Variants in IMMP2L observed in about 807,000 individuals in gnomAD.
IMMP2L encodes the protein mitochondrial inner membrane protease subunit 2.
In IMMP2L, 18 loss-of-function variants were observed where a neutral mutation model predicts 19.3. The observed-to-expected ratio is 0.93, with a 90% CI of 0.64 to 1.38. The LOEUF is 1.38. IMMP2L is among the 40% of genes most tolerant of loss of function. The pLI, the probability that IMMP2L is intolerant of heterozygous loss-of-function variation, is 0.00. For missense variants in IMMP2L, 233 were observed against 218.2 expected (o/e 1.07, Z -0.43); for synonymous variants, 76 against 73.0 (o/e 1.04, Z -0.21).
chr7:110,672,736 A>C (rs1792008028), intron 5 of IMMP2L, among the ~76,000 whole-genome samples: 1 of 152,150 alleles, frequency 6.6e-6, no homozygotes, highest in Non-Finnish European at 1.5e-5. Flanking sequence ...ATTAAACCTT[A>C]CAGTTCCAAA....
intron 4 of IMMP2L, among the ~76,000 whole-genome samples, chr7:110,890,976 T>G (rs776534539): frequency 5.8e-4 from 88 of 151,926 alleles, no homozygotes; most frequent in Non-Finnish European, 1.1e-3. Flanking sequence ...CAAATACATA[T>G]ACACACACAC....
At chr7:111,144,694 A>G (rs1219263454) in intron 3 of IMMP2L, among the ~76,000 whole-genome samples, 19 of 152,124 alleles carry the variant, frequency 1.2e-4, no homozygotes, top group Non-Finnish European at 1.5e-5. Context: ...AAATAAGTGA[A>G]TGGATTACAA....
chr7:111,283,527 G>A (rs1820131475), intron 3 of IMMP2L, among the ~76,000 whole-genome samples: 1 of 152,098 alleles, frequency 6.6e-6, no homozygotes, highest in Admixed American at 6.6e-5. Flanking sequence ...AGTTAGGAGT[G>A]GCTAGCATGT....
chr7:110,817,971 G>A (rs368991252), intron 5 of IMMP2L, among the ~76,000 whole-genome samples: 2 of 151,866 alleles, frequency 1.3e-5, no homozygotes, highest in African/African-American at 4.8e-5. Context: ...TTCAAGATGG[G>A]TTAAAGACTT....
At chr7:111,451,269 T>A (rs941322723) in intron 3 of IMMP2L, among the ~76,000 whole-genome samples, 22 of 149,432 alleles carry the variant, frequency 1.5e-4, no homozygotes, top group Admixed American at 2.7e-4. Context: ...ACACGTATGT[T>A]TATTGCGGCA....
At chr7:110,958,176 A>G (rs905028278) in intron 4 of IMMP2L, among the ~76,000 whole-genome samples, 2 of 152,044 alleles carry the variant, frequency 1.3e-5, no homozygotes, top group African/African-American at 2.4e-5. Context: ...ACTTTAAATC[A>G]ATTTTCTCTA....
intron 3 of IMMP2L, among the ~76,000 whole-genome samples, chr7:111,335,502 T>G (rs1395641983): frequency 6.6e-6 from 1 of 152,016 alleles, no homozygotes; most frequent in Non-Finnish European, 1.5e-5. Flanking sequence ...AACGTGAAAT[T>G]TACAGGTGAA....
intron 5 of IMMP2L, among the ~76,000 whole-genome samples, chr7:110,863,598 T>C (rs1234635812): frequency 6.6e-6 from 1 of 152,114 alleles, no homozygotes. Flanking sequence ...GGTGGCACTC[T>C]CTCTCAATAG....
chr7:111,042,636 T>C (rs1157746995), intron 3 of IMMP2L, among the ~76,000 whole-genome samples: 1 of 152,220 alleles, frequency 6.6e-6, no homozygotes, highest in East Asian at 1.9e-4. Flanking sequence ...GAGCAGGCCA[T>C]GCTTGATCTA....
At chr7:110,856,802 G>T (rs1806829642) in intron 5 of IMMP2L, among the ~76,000 whole-genome samples, 1 of 152,026 alleles carries the variant, frequency 6.6e-6, no homozygotes, top group African/African-American at 2.4e-5. Context: ...CAACTCAGTA[G>T]TTTAGGCTTC....
intron 3 of IMMP2L, among the ~76,000 whole-genome samples, chr7:111,316,477 G>C (rs999266067): frequency 6.6e-6 from 1 of 152,036 alleles, no homozygotes; most frequent in Non-Finnish European, 1.5e-5. Flanking sequence ...AGGGAGAAAA[G>C]AAAAATTATT....
At chr7:111,157,061 A>T (rs1403952360) in intron 3 of IMMP2L, among the ~76,000 whole-genome samples, 1 of 152,126 alleles carries the variant, frequency 6.6e-6, no homozygotes, top group Non-Finnish European at 1.5e-5. Context: ...TTTCATATAA[A>T]ACATAAGGCA....
intron 3 of IMMP2L, among the ~76,000 whole-genome samples, chr7:111,195,550 T>A (rs1227570021): frequency 6.6e-6 from 1 of 152,146 alleles, no homozygotes; most frequent in East Asian, 1.9e-4. Context: ...GTAGAAACTT[T>A]ATTATAAAGG....
At position 111,228,622 on chromosome 7, in the gene IMMP2L, G is replaced by A. The variant is rs184560030; in HGVS notation, c.239+258616C>T. On this transcript the variant is annotated intron_variant, in intron 3 of 5. Transcript: ENST00000405709. ...ACTAGTCTGCAGAAGTATCCATTCC[G>A]AGAAACTGACCATACATAAAGTTTG... Among the ~76,000 whole-genome samples the A allele has an allele frequency of 5.3e-5, 8 of 152,114 alleles. No homozygotes were observed. The South Asian group carries it at 8.3e-4, about 16-fold the overall frequency.
At position 111,268,337 on chromosome 7, in the gene IMMP2L, G is replaced by A. The variant is rs1385183929; in HGVS notation, c.239+218901C>T. Among the ~76,000 whole-genome samples, 4 of 151,902 alleles carry A rather than the reference G, an allele frequency of 2.6e-5. No individual in the cohort carries two copies. The East Asian group carries it at 5.8e-4, about 22-fold the overall frequency. The stretch of plus-strand genomic sequence containing the variant: ...TTTGTGGATAGCAGAGATAGAAAAG[G>A]GAGGCAGGAGTTGTCTTAAGACAAA... On this transcript the variant is annotated intron_variant, in intron 3 of 5. Transcript: ENST00000405709.
chr7:110,856,395 G>T (rs1806770480), intron 5 of IMMP2L, among the ~76,000 whole-genome samples: 1 of 151,996 alleles, frequency 6.6e-6, no homozygotes, highest in African/African-American at 2.4e-5. Context: ...AGATAAGTAG[G>T]AAAGCAATGT....
At chr7:110,934,747 T>C (rs1264757414) in intron 4 of IMMP2L, among the ~76,000 whole-genome samples, 2 of 152,220 alleles carry the variant, frequency 1.3e-5, no homozygotes, top group Non-Finnish European at 2.9e-5. Flanking sequence ...TTTACCATTA[T>C]GTAATGACCT....
At chr7:110,673,331 G>A (rs1351608355) in intron 5 of IMMP2L, among the ~76,000 whole-genome samples, 2 of 152,180 alleles carry the variant, frequency 1.3e-5, no homozygotes, top group African/African-American at 2.4e-5. Context: ...GGTAGGTCCT[G>A]GGCCCAGCCC....
At chr7:111,346,661 C>T (rs754870256) in intron 3 of IMMP2L, among the ~76,000 whole-genome samples, 21 of 152,148 alleles carry the variant, frequency 1.4e-4, no homozygotes, top group Admixed American at 2.0e-4. Flanking sequence ...AGACTGAGAG[C>T]TTATAGCTCT....
Sources: allele counts gnomAD v4.1 joint callset (sites outside exome capture counted in the v4.1 genomes callset), GRCh38; gene constraint gnomAD v4.1.1; transcripts MANE v1.5; gene names NCBI Gene and HGNC (gene_info 2026-07-23, HGNC 2026-07-21).